SGCD: variants seen among roughly 807,000 people sequenced by gnomAD.
SGCD encodes the protein delta-sarcoglycan.
In SGCD, 18 loss-of-function variants were observed where a neutral mutation model predicts 36.6. The ratio of observed to expected loss-of-function variants is 0.49; its 90% CI spans 0.34 to 0.73. The LOEUF (loss-of-function observed/expected upper bound fraction) is 0.73. Ranked by LOEUF, SGCD falls within the 30% of genes least tolerant of loss-of-function variation. SGCD has a pLI of 0.01. For synonymous variants in SGCD, 133 were observed against 130.6 expected (o/e 1.02, Z -0.12); for missense variants, 387 against 346.7 (o/e 1.12, Z -0.92).
At chr5:156,141,171 A>C (rs1337618061) in intron 3 of SGCD, among the ~76,000 whole-genome samples, 1 of 152,140 alleles carries the variant, frequency 6.6e-6, no homozygotes, top group Non-Finnish European at 1.5e-5. Context: ...CCTCTACCTA[A>C]ATTTCAAAGG....
In SGCD at chr5:156,499,041, T is replaced by C. The variant is rs1756332390; in HGVS notation, c.193-9560T>C. Among the ~76,000 whole-genome samples the C allele has an allele frequency of 3.4e-5, 3 of 87,966 alleles. No individual in the cohort carries two copies. The South Asian group carries it at 8.8e-4, about 26-fold the overall frequency. 57.7% of individuals were successfully genotyped at this position (87,966 alleles called of 152,430 possible). A position where few individuals can be genotyped will look rare whatever the true frequency, so the allele number is the denominator to read the frequency against. On this transcript the variant is annotated intron_variant, in intron 3 of 8. Transcript: ENST00000337851. ...TGCAACTCTTCTTGCCTTTTCGTCT[T>C]AGTGTTTAGCACAGGGCTGGGCACA...
intron 6 of SGCD, among the ~76,000 whole-genome samples, chr5:156,619,370 T>C (rs898005964): frequency 6.6e-6 from 1 of 152,190 alleles, no homozygotes; most frequent in Admixed American, 6.5e-5. Context: ...GATGGTTTTG[T>C]TTTTCTGTTT....
chr5:156,578,082 T>C (rs545985908), intron 4 of SGCD, among the ~76,000 whole-genome samples: 23 of 152,274 alleles, frequency 1.5e-4, no homozygotes, highest in Non-Finnish European at 2.1e-4. Flanking sequence ...TTTTGAGATA[T>C]GTCCCATCAA....
intron 1 of SGCD, among the ~76,000 whole-genome samples, chr5:156,052,899 T>C (rs896795444): frequency 1.1e-4 from 16 of 146,184 alleles, no homozygotes; most frequent in African/African-American, 3.2e-4. Context: ...AGAGACTCAA[T>C]TGGGGCAGAG....
At chr5:156,634,593 G>A (rs940905998) in intron 6 of SGCD, among the ~76,000 whole-genome samples, 3 of 152,126 alleles carry the variant, frequency 2.0e-5, no homozygotes, top group Admixed American at 1.3e-4. Context: ...GAGAATGGTG[G>A]AAGCCAGGAT....
At chr5:156,642,338 C>T (rs1288643471) in intron 6 of SGCD, among the ~76,000 whole-genome samples, 1 of 152,074 alleles carries the variant, frequency 6.6e-6, no homozygotes, top group Admixed American at 6.6e-5. Flanking sequence ...TTGATCAAGT[C>T]AGATCCCCTG....
chr5:156,474,138 A>T (rs1755084052), intron 3 of SGCD, among the ~76,000 whole-genome samples: 1 of 152,118 alleles, frequency 6.6e-6, no homozygotes, highest in Non-Finnish European at 1.5e-5. Context: ...CAACATGGGT[A>T]GGGGTTGGCA....
intron 5 of SGCD, among the ~76,000 whole-genome samples, chr5:156,593,152 G>A (rs781079232): frequency 1.3e-5 from 2 of 152,176 alleles, no homozygotes; most frequent in Non-Finnish European, 2.9e-5. Flanking sequence ...CTGAGGTTCA[G>A]AAAGATCAAA....
chr5:156,443,831 C>T (rs1419278841), intron 3 of SGCD, among the ~76,000 whole-genome samples: 2 of 152,122 alleles, frequency 1.3e-5, no homozygotes, highest in Non-Finnish European at 2.9e-5. Flanking sequence ...AAAGAGCACA[C>T]AGCAGTGGGC....
intron 1 of SGCD, among the ~76,000 whole-genome samples, chr5:156,016,015 A>G (rs564306143): frequency 9.2e-5 from 14 of 151,956 alleles, no homozygotes; most frequent in African/African-American, 2.9e-4. Context: ...CAATAACCTG[A>G]CCTTTAAAAC....
At chr5:156,460,405 G>A (rs1051753687) in intron 3 of SGCD, among the ~76,000 whole-genome samples, 5 of 152,164 alleles carry the variant, frequency 3.3e-5, no homozygotes, top group African/African-American at 1.2e-4. Context: ...TGCTTTTGGA[G>A]TTCAAAGATG....
intron 1 of SGCD, among the ~76,000 whole-genome samples, chr5:156,046,718 T>A (rs1014212973): frequency 3.9e-5 from 6 of 152,094 alleles, no homozygotes; most frequent in African/African-American, 1.2e-4. Flanking sequence ...ACTTCTATCT[T>A]CTTGGACCTT....
intron 1 of SGCD, among the ~76,000 whole-genome samples, chr5:155,924,306 G>C (rs1356012429): frequency 6.6e-6 from 1 of 152,164 alleles, no homozygotes; most frequent in Non-Finnish European, 1.5e-5. Flanking sequence ...GGGGACAAAG[G>C]CACCTGAATT....
the SGCD span, among the ~76,000 whole-genome samples, chr5:155,798,842 C>T: frequency 2.0e-5 from 3 of 152,170 alleles, no homozygotes; most frequent in African/African-American, 7.2e-5. Flanking sequence ...TACTGTTTCC[C>T]CATGGCTTCT....
chr5:156,145,342 G>A (rs1762685474), intron 3 of SGCD, among the ~76,000 whole-genome samples: 1 of 152,152 alleles, frequency 6.6e-6, no homozygotes, highest in African/African-American at 2.4e-5. Context: ...CTGAGCTGAT[G>A]CTGCCATGCT....
At chr5:156,321,071 C>T (rs981252812) in intron 3 of SGCD, among the ~76,000 whole-genome samples, 1 of 152,152 alleles carries the variant, frequency 6.6e-6, no homozygotes, top group African/African-American at 2.4e-5. Context: ...GGTTTCTATC[C>T]TTTGCCTAAA....
chr5:156,727,868 G>C (rs562426319), intron 7 of SGCD, among the ~76,000 whole-genome samples: 61 of 152,140 alleles, frequency 4.0e-4, no homozygotes, highest in Non-Finnish European at 7.8e-4. Context: ...AAGTACAAAA[G>C]GCAGTTGGAA....
At chr5:155,854,740 A>G in the SGCD span, among the ~76,000 whole-genome samples, 1 of 152,196 alleles carries the variant, frequency 6.6e-6, no homozygotes, top group African/African-American at 2.4e-5. Flanking sequence ...GAAGTATTAC[A>G]TGTCATACAA....
At chr5:156,172,317 C>A (rs756273611) in intron 3 of SGCD, among the ~76,000 whole-genome samples, 2 of 152,008 alleles carry the variant, frequency 1.3e-5, no homozygotes, top group Non-Finnish European at 2.9e-5. Context: ...AACAAAAAAC[C>A]CAAAAAATCA....
Sources: gnomAD v4.1 joint callset for allele counts (sites outside exome capture counted in the v4.1 genomes callset) on GRCh38, gnomAD v4.1.1 for gene constraint, MANE v1.5 for transcripts, NCBI Gene and HGNC (gene_info 2026-07-23, HGNC 2026-07-21) for gene names.